Variants in CR1 observed in about 807,000 individuals in gnomAD.
CR1 encodes complement C3b/C4b receptor 1 (Knops blood group), also known as complement receptor type 1.
CR1 carries 116 observed loss-of-function variants against 187.3 expected under a neutral mutation model. The observed-to-expected ratio is 0.62, with a 90% confidence interval of 0.53 to 0.72. The LOEUF is 0.72. Ranked by LOEUF, CR1 falls within the 30% of genes least tolerant of loss-of-function variation. CR1 has a pLI of 0.00. For missense variants in CR1, 1,731 were observed against 2,110.7 expected, an observed-to-expected ratio of 0.82 and a Z score of 3.52; for synonymous variants, 576 against 747.1, an observed-to-expected ratio of 0.77 and a Z score of 3.73.
At chr1:207,512,909 A>C (rs1659666814) in intron 4 of CR1, among the ~76,000 whole-genome samples, 1 of 152,172 alleles carries the variant, frequency 6.6e-6, no homozygotes, top group Non-Finnish European at 1.5e-5. Context: ...AAATGGCCTC[A>C]AGTCTTCTTG....
chr1:207,630,202 T>C (rs1007561341), intron 45 of CR1, among the ~76,000 whole-genome samples: 3 of 152,220 alleles, frequency 2.0e-5, no homozygotes, highest in African/African-American at 7.2e-5. Context: ...AAAATCTCGA[T>C]GTAAATCCTA....
chr1:207,516,583 G>A (rs573036889), intron 4 of CR1, among the ~76,000 whole-genome samples: 1 of 152,250 alleles, frequency 6.6e-6, no homozygotes, highest in South Asian at 2.1e-4. Context: ...AGATCAATTT[G>A]TGGACAAGTA....
At position 207,622,005 on chromosome 1, in the gene CR1, T is replaced by C. The variant is rs763216491; in HGVS notation, c.7276+9T>C. ...TGATGCTCTCATAGTTGGTAAGTTTTATGAAAGTTTTGCTGAGGAATTCTG... is the reference window on the plus strand; with the variant it reads ...TGATGCTCTCATAGTTGGTAAGTTTCATGAAAGTTTTGCTGAGGAATTCTG... On this transcript the variant is annotated intron_variant, in intron 44 of 46. Coordinates refer to ENST00000367049, the MANE Select transcript of CR1 (RefSeq NM_000651.6). 52 of 1,594,168 alleles carry C rather than the reference T, an allele frequency of 3.3e-5. No individual in the cohort carries two copies. The highest frequency in any genetic ancestry group is 4.3e-5 in the Non-Finnish European group (50 of 1,168,364).
Position 207,506,971 on chromosome 1 carries a change from AG to A in CR1, c.401+160del, listed in dbSNP as rs150102738. On this transcript the variant is annotated intron_variant, in intron 3 of 46. Transcript: ENST00000367049. ...TTTAGCTCCTGACTGAAATGAGCAA[AG>A]GTATGACAAGATCGGGGGAAAATCA... is the stretch of plus-strand genomic sequence containing the variant. 5.2e-3 allele frequency: 3,153 copies of A among 601,950 alleles called. 96 individuals are homozygous for A. The African/African-American group carries it at 0.054, about 10-fold the overall frequency. The allele number at this position is 601,950 out of a possible 1,614,324, so 37.3% of individuals were successfully genotyped here. A position where few individuals can be genotyped will look rare whatever the true frequency, so the allele number is the denominator to read the frequency against.
rs1279544692 is a variant in CR1 at position 207,512,430 on chromosome 1, A to G, written c.487+776A>G. ...AGAGATGTATTTTATGTGGAAAAAGAATCAGATGAATGGCATATATGGCAA... is the reference window on the plus strand; with the variant it reads ...AGAGATGTATTTTATGTGGAAAAAGGATCAGATGAATGGCATATATGGCAA... On this transcript the variant is annotated intron_variant, in intron 4 of 46. Coordinates refer to ENST00000367049, the MANE Select transcript of CR1 (RefSeq NM_000651.6). Among the ~76,000 whole-genome samples the G allele has an allele frequency of 2.0e-5, 3 of 152,216 alleles. No individual in the cohort carries two copies. In the East Asian group the frequency reaches 5.8e-4, roughly 29 times the overall value.
chr1:207,517,121 T>C (rs1359503032), intron 4 of CR1, among the ~76,000 whole-genome samples: 1 of 152,170 alleles, frequency 6.6e-6, no homozygotes, highest in East Asian at 1.9e-4. Flanking sequence ...TTCTTTCTAA[T>C]TGATCACTGC....
At chr1:207,619,046 A>AC (rs1662231604) in intron 42 of CR1, among the ~76,000 whole-genome samples, 2 of 135,328 alleles carry the variant, frequency 1.5e-5, no homozygotes, top group Non-Finnish European at 1.7e-5. Context: ...CAAAAAAAAA[A>AC]AAAAAAAAAG....
At chr1:207,619,376 C>CAAAAAAAAAAAA (rs67078800) in intron 42 of CR1, among the ~76,000 whole-genome samples, 16 of 92,634 alleles carry the variant, frequency 1.7e-4, no homozygotes, top group Non-Finnish European at 2.2e-4. Flanking sequence ...CAGTGAGACT[C>CAAAAAAAAAAAA]AAAAAAAAAA....
At chr1:207,506,577 T>C (rs1168018634) in intron 2 of CR1, 137 bp from the exon 3 acceptor site, 1 of 727,098 alleles carries the variant, frequency 1.4e-6, no homozygotes, top group Non-Finnish European at 2.3e-6. Context: ...GTGAGTTTCC[T>C]CAAGGTAGCA....
intron 41 of CR1, among the ~76,000 whole-genome samples, chr1:207,617,723 G>A (rs1268330261): frequency 6.7e-6 from 1 of 148,424 alleles, no homozygotes. Flanking sequence ...TTAAACGACA[G>A]TACCTGACAA....
Position 207,580,760 on chromosome 1 carries a change from G to A in CR1, c.5216+147G>A. On this transcript the variant is annotated intron_variant, in intron 31 of 46. Coordinates refer to ENST00000367049, the MANE Select transcript of CR1 (RefSeq NM_000651.6). Reference sequence around the variant, plus strand: ...GAAGTGTAGCTTTAAAATAAAGGTAGGGACTAAGTGGCACTACTATCAGGA... The same window carrying A: ...GAAGTGTAGCTTTAAAATAAAGGTAAGGACTAAGTGGCACTACTATCAGGA... 9 of 759,094 alleles carry A rather than the reference G, an allele frequency of 1.2e-5. 1 individual carries two copies. The South Asian group carries it at 1.7e-4, about 14-fold the overall frequency. 47.0% of individuals were successfully genotyped at this position (759,094 alleles called of 1,614,324 possible). A position where few individuals can be genotyped will look rare whatever the true frequency, so the allele number is the denominator to read the frequency against.
At chr1:207,635,029 C>T (rs1310937176) in intron 46 of CR1, among the ~76,000 whole-genome samples, 4 of 152,164 alleles carry the variant, frequency 2.6e-5, no homozygotes, top group African/African-American at 9.7e-5. Context: ...TCTCCATTTT[C>T]GCCATACTTT....
In CR1 at chr1:207,593,787, G is replaced by A. The variant is rs1322010715; in HGVS notation, c.5810+5013G>A. ...AGAAAAAACAACCCTATCGAAAAGAGGGCAAAGGATATGAACAGACATTTC... is the reference window on the plus strand; with the variant it reads ...AGAAAAAACAACCCTATCGAAAAGAAGGCAAAGGATATGAACAGACATTTC... On this transcript the variant is annotated intron_variant, in intron 35 of 46. Transcript: ENST00000367049. Among the ~76,000 whole-genome samples, 3 of 152,140 alleles carry A rather than the reference G, an allele frequency of 2.0e-5. 1 individual carries two copies. The highest frequency in any genetic ancestry group is 6.5e-5 in the Admixed American group (1 of 15,270).
intron 3 of CR1, 24 bp from the exon 4 acceptor site, chr1:207,511,545 A>G: frequency 1.2e-6 from 2 of 1,606,636 alleles, no homozygotes. Flanking sequence ...TTAGAATGTA[A>G]CATTCCTTAT....
At chr1:207,519,274 G>A (rs1312828472) in intron 4 of CR1, among the ~76,000 whole-genome samples, 3 of 151,778 alleles carry the variant, frequency 2.0e-5, no homozygotes, top group African/African-American at 7.2e-5. Context: ...TTGTTCATTG[G>A]TGTGTTTGGA....
chr1:207,590,645 C>T (rs1213247154), intron 35 of CR1, among the ~76,000 whole-genome samples: 1 of 152,144 alleles, frequency 6.6e-6, no homozygotes, highest in Non-Finnish European at 1.5e-5. Context: ...TAAATGCCCC[C>T]AGTTAAAAGA....
At chr1:207,612,142 AG>A (rs1286421681) in intron 39 of CR1, 101 bp downstream of exon 39, 2 of 1,198,786 alleles carry the variant, frequency 1.7e-6, no homozygotes, top group African/African-American at 3.1e-5. Context: ...GTAGATAAGA[AG>A]TACCCAGAGA....
In CR1 at chr1:207,604,630, G is replaced by C. The variant is rs563354063; in HGVS notation, c.5811-2621G>C. On this transcript the variant is annotated intron_variant, in intron 35 of 46. Coordinates refer to ENST00000367049, the MANE Select transcript of CR1 (RefSeq NM_000651.6). ...ACAAAAACTTGTATCTATTTCTTGG[G>C]CTTTCCCCCATTTTGCTCTAGGGAT... Among the ~76,000 whole-genome samples the C allele has an allele frequency of 2.0e-5, 3 of 152,242 alleles. No individual in the cohort carries two copies. In the East Asian group the frequency reaches 5.8e-4, roughly 29 times the overall value.
intron 39 of CR1, among the ~76,000 whole-genome samples, chr1:207,613,290 T>C (rs1392122908): frequency 6.6e-6 from 1 of 152,092 alleles, no homozygotes; most frequent in Non-Finnish European, 1.5e-5. Flanking sequence ...TTCTGGGGCT[T>C]TTATGGACAC....
Sources: allele counts gnomAD v4.1 joint callset (sites outside exome capture counted in the v4.1 genomes callset), GRCh38; gene constraint gnomAD v4.1.1; transcripts MANE v1.5; gene names NCBI Gene and HGNC (gene_info 2026-07-23, HGNC 2026-07-21).